Variants in PCDHGC3 observed in about 807,000 individuals in gnomAD.
PCDHGC3 encodes protocadherin gamma subfamily C, 3, also known as protocadherin gamma-C3.
A neutral mutation model predicts 59.2 loss-of-function variants in PCDHGC3; 26 were observed. The observed-to-expected ratio is 0.44, with a 90% CI of 0.32 to 0.61. The LOEUF (loss-of-function observed/expected upper bound fraction) is 0.61. PCDHGC3 is among the 20% of genes least tolerant of loss of function. PCDHGC3 has a pLI of 0.05. For synonymous variants in PCDHGC3, 487 were observed against 519.7 expected, an observed-to-expected ratio of 0.94 and a Z score of 0.86; for missense variants, 1,080 against 1,221.8, an observed-to-expected ratio of 0.88 and a Z score of 1.73.
intron 1 of PCDHGC3, among the ~76,000 whole-genome samples, chr5:141,484,281 C>T (rs969039536): frequency 6.6e-6 from 1 of 152,202 alleles, no homozygotes; most frequent in Admixed American, 6.5e-5. Context: ...TGTTTTGAAA[C>T]ATCTCCCTCT....
intron 3 of PCDHGC3, among the ~76,000 whole-genome samples, chr5:141,507,898 C>T (rs577177417): frequency 1.3e-5 from 2 of 152,310 alleles, no homozygotes; most frequent in East Asian, 1.9e-4. Flanking sequence ...TTCCTGAAGT[C>T]CAGCCCAGCC....
chr5:141,479,813 T>G (rs543146395), intron 1 of PCDHGC3, among the ~76,000 whole-genome samples: 1 of 152,318 alleles, frequency 6.6e-6, no homozygotes, highest in South Asian at 2.1e-4. Flanking sequence ...TATGCAAGGA[T>G]ACTATCCAAG....
At position 141,487,370 on chromosome 5, in the gene PCDHGC3, T is replaced by C; in HGVS notation, c.2431-7437T>C. 6.2e-7 allele frequency: 1 copy of C among 1,614,232 alleles called. No individual in the cohort carries two copies. Among genetic ancestry groups the C allele is most frequent in the South Asian group, 1.1e-5 (1 of 91,080 alleles). On this transcript the variant is annotated intron_variant, in intron 1 of 3. Transcript: ENST00000308177. The surrounding 1 kb of genome is among the most constrained non-coding windows in gnomAD (Gnocchi z 5.0). ...ATGCTTTCCTGCTGGCACCTGTGCC[T>C]GTCTCACCAGATCTCGAAGGAGGGA... is the stretch of plus-strand genomic sequence containing the variant.
chr5:141,490,345 G>GT lies in PCDHGC3; in HGVS notation c.2431-4461dup, dbSNP rs1363310763. The GT allele has an allele frequency of 6.2e-7, 1 of 1,614,216 alleles. No individual in the cohort carries two copies. The highest frequency in any genetic ancestry group is 2.2e-5 in the East Asian group (1 of 44,886). ...AGAGAGCACACCAGTGGGCACAGTAGTGGGGTTGTTTAATGTGCGAGACCG... is the reference window on the plus strand; with the variant it reads ...AGAGAGCACACCAGTGGGCACAGTAGTTGGGGTTGTTTAATGTGCGAGACCG... On this transcript the variant is annotated intron_variant, in intron 1 of 3. Transcript: ENST00000308177. This position sits in a 1 kb window ranked among gnomAD's most constrained non-coding sequence, Gnocchi z 5.4.
intron 1 of PCDHGC3, among the ~76,000 whole-genome samples, chr5:141,483,276 TA>T (rs755290434): frequency 2.2e-4 from 33 of 152,238 alleles, no homozygotes; most frequent in Non-Finnish European, 3.8e-4. Context: ...TTAGAAATAT[TA>T]TTCTGTCAGT....
intron 2 of PCDHGC3, among the ~76,000 whole-genome samples, chr5:141,495,440 A>G (rs2099761377): frequency 6.6e-6 from 1 of 151,898 alleles, no homozygotes; most frequent in African/African-American, 2.4e-5. Context: ...CTCTGCCCCT[A>G]CTTGTCCTGC....
intron 1 of PCDHGC3, among the ~76,000 whole-genome samples, chr5:141,481,794 A>C (rs1433830305): frequency 6.6e-6 from 1 of 152,136 alleles, no homozygotes; most frequent in East Asian, 1.9e-4. Context: ...TCTACTAAAA[A>C]TACAAAAATT....
chr5:141,489,061 C>A lies in PCDHGC3; in HGVS notation c.2431-5746C>A. On this transcript the variant is annotated intron_variant, in intron 1 of 3. Coordinates refer to ENST00000308177, the MANE Select transcript of PCDHGC3 (RefSeq NM_002588.4). This position sits in a 1 kb window ranked among gnomAD's most constrained non-coding sequence, Gnocchi z 4.5. ...AGCTCCACTCAAATTCAGCTCCCCT[C>A]CCCCCTGCCCACCCCCGCCACTCGG... 5 of 347,080 alleles carry A rather than the reference C, an allele frequency of 1.4e-5. No individual in the cohort carries two copies. The highest frequency in any genetic ancestry group is 2.2e-5 in the African/African-American group (1 of 46,422). 21.5% of individuals were successfully genotyped at this position (347,080 alleles called of 1,614,324 possible). A position where few individuals can be genotyped will look rare whatever the true frequency, so the allele number is the denominator to read the frequency against.
At chr5:141,501,146 T>C (rs2299023) in intron 2 of PCDHGC3, among the ~76,000 whole-genome samples, 88,663 of 152,012 alleles carry the variant, frequency 0.58, 27,355 homozygotes, top group African/African-American at 0.78. Context: ...GGATTACAGG[T>C]GGGAGCCACC....
chr5:141,489,696 C>T lies in PCDHGC3; in HGVS notation c.2431-5111C>T. On this transcript the variant is annotated intron_variant, in intron 1 of 3. Transcript: ENST00000308177. This position sits in a 1 kb window ranked among gnomAD's most constrained non-coding sequence, Gnocchi z 4.5. ...AATCAGCAGCATCTGGGGCACGATT[C>T]CCACTGGACAGTGCCCAGGATCCGG... 6.2e-7 allele frequency: 1 copy of T among 1,614,170 alleles called. No homozygotes were observed. Among genetic ancestry groups the T allele is most frequent in the Non-Finnish European group, 8.5e-7 (1 of 1,180,002 alleles).
Position 141,489,690 on chromosome 5 carries a change from A to T in PCDHGC3, c.2431-5117A>T. The T allele has an allele frequency of 6.2e-7, 1 of 1,614,198 alleles. No individual in the cohort carries two copies. The highest frequency in any genetic ancestry group is 8.5e-7 in the Non-Finnish European group (1 of 1,180,024). ...TCTCAGAATCAGCAGCATCTGGGGC[A>T]CGATTCCCACTGGACAGTGCCCAGG... On this transcript the variant is annotated intron_variant, in intron 1 of 3. Coordinates refer to ENST00000308177, the MANE Select transcript of PCDHGC3 (RefSeq NM_002588.4). The surrounding 1 kb of genome is among the most constrained non-coding windows in gnomAD (Gnocchi z 4.5).
chr5:141,505,284 G>A, intron 2 of PCDHGC3, 109 bp from the exon 3 acceptor site: 1 of 1,548,402 alleles, frequency 6.5e-7, no homozygotes. Flanking sequence ...CAGGTCTTGG[G>A]CATGGGGTAG....
Position 141,485,400 on chromosome 5 carries a change from G to A in PCDHGC3, c.2430+6854G>A. On this transcript the variant is annotated intron_variant, in intron 1 of 3. Transcript: ENST00000308177. The surrounding 1 kb of genome is among the most constrained non-coding windows in gnomAD (Gnocchi z 5.7). ...GGAGAGGTGAACCAAAGACACTTCC[G>A]TGTGGATTTGGACAGCGGAGCCCTG... is the stretch of plus-strand genomic sequence containing the variant. The A allele has an allele frequency of 6.2e-7, 1 of 1,614,076 alleles. No homozygotes were observed. The highest frequency in any genetic ancestry group is 8.5e-7 in the Non-Finnish European group (1 of 1,179,948).
intron 2 of PCDHGC3, among the ~76,000 whole-genome samples, chr5:141,496,474 T>A (rs2099769027): frequency 6.6e-6 from 1 of 152,140 alleles, no homozygotes; most frequent in African/African-American, 2.4e-5. Context: ...CTTTCCCCCA[T>A]CCTGCAACCA....
At chr5:141,484,155 T>G (rs2099592564) in intron 1 of PCDHGC3, among the ~76,000 whole-genome samples, 1 of 152,224 alleles carries the variant, frequency 6.6e-6, no homozygotes, top group Non-Finnish European at 1.5e-5. Context: ...GTAGGCACAA[T>G]GCTGTTGGTA....
At chr5:141,481,647 A>C (rs749515062) in intron 1 of PCDHGC3, among the ~76,000 whole-genome samples, 28 of 151,830 alleles carry the variant, frequency 1.8e-4, no homozygotes, top group African/African-American at 6.5e-4. Context: ...GTGAAACTTC[A>C]TCTCTACTAA....
rs1337141924 is a variant in PCDHGC3, at chr5:141,512,916, CTAATATT to C, written c.*1746_*1752del. On this transcript the variant is annotated 3_prime_UTR_variant, in exon 4 of 4. Coordinates refer to ENST00000308177, the MANE Select transcript of PCDHGC3 (RefSeq NM_002588.4). The stretch of plus-strand genomic sequence containing the variant: ...CTGTGTCTCACGCAAGTTTTATACT[CTAATATT>C]TATATGGCTTTTTTTCTTCGACAAA... The C allele has an allele frequency of 1.3e-5, 2 of 152,206 alleles. No homozygotes were observed. Among genetic ancestry groups the C allele is most frequent in the Non-Finnish European group, 2.9e-5 (2 of 68,046 alleles). The allele number at this position is 152,206 out of a possible 1,614,324, so 9.4% of individuals were successfully genotyped here.
chr5:141,500,114 G>A (rs72790070), intron 2 of PCDHGC3, among the ~76,000 whole-genome samples: 10,550 of 151,670 alleles, frequency 0.07, 640 homozygotes, highest in African/African-American at 0.16. Flanking sequence ...TTGAATCCCT[G>A]CCTTTTCATA....
chr5:141,482,383 G>A (rs1594230401), intron 1 of PCDHGC3, among the ~76,000 whole-genome samples: 2 of 152,240 alleles, frequency 1.3e-5, no homozygotes, highest in East Asian at 3.9e-4. Context: ...TAAAGTCCCT[G>A]TATGGAGCAA....
Sources: allele counts gnomAD v4.1 joint callset (sites outside exome capture counted in the v4.1 genomes callset), GRCh38; gene constraint gnomAD v4.1.1; non-coding constraint Gnocchi (gnomAD v3.1); transcripts MANE v1.5; gene names NCBI Gene and HGNC (gene_info 2026-07-23, HGNC 2026-07-21).